The following MGAM2 variants were observed in gnomAD, a reference collection of about 807,000 sequenced individuals.
The protein encoded by MGAM2 is maltase-glucoamylase 2 (putative), also known as probable maltase-glucoamylase 2.
A neutral mutation model predicts 96.1 loss-of-function variants in MGAM2; 98 were observed. That is an observed-to-expected ratio of 1.02 (90% CI 0.87 to 1.21). The LOEUF is 1.21. MGAM2 is among the 50% of genes most tolerant of loss of function. The pLI is 0.00. For missense variants in MGAM2, 2,055 were observed against 1,182.4 expected (o/e 1.74, Z -10.82); for synonymous variants, 749 against 414.8 (o/e 1.81, Z -9.79).
In MGAM2 at chr7:142,196,152, A is replaced by AGGAGGGGTGCAG; in HGVS notation, c.4347-1_4347insGAGGGGTGCAGG. ...CTCACCTCTTTATTCCCCTCCCACC[A>AGGAGGGGTGCAG]GAGCTGTGCAGGAGGTGACAGGACA... On this transcript the variant is annotated splice_acceptor_variant, in intron 37 of 47. Transcript: ENST00000477922. LOFTEE classifies it high-confidence loss of function. 9.1e-7 allele frequency: 1 copy of AGGAGGGGTGCAG among 1,098,636 alleles called. No homozygotes were observed. The highest frequency in any genetic ancestry group is 2.6e-5 in the East Asian group (1 of 38,960). 68.1% of individuals were successfully genotyped at this position (1,098,636 alleles called of 1,614,324 possible). A position where few individuals can be genotyped will look rare whatever the true frequency, so the allele number is the denominator to read the frequency against.
rs1260487191 is a variant in MGAM2 at position 142,131,063 on chromosome 7, CA to C, written c.304del (p.Ser102AlafsTer8). On this transcript the variant is annotated frameshift_variant, in exon 4 of 48. Transcript: ENST00000477922. LOFTEE classifies it high-confidence loss of function. ...GAAGCCAGCAATGGCCATACAAATA[CA>C]AGCACAGGTGAGCACTGCCCTGATG... ...GYEASNGHTN[T>X]STGFTAQLKR... 1.4e-6 allele frequency: 1 copy of C among 702,520 alleles called. No individual in the cohort carries two copies. Among genetic ancestry groups the C allele is most frequent in the Non-Finnish European group, 2.6e-6 (1 of 385,004 alleles). The allele number at this position is 702,520 out of a possible 1,614,324, so 43.5% of individuals were successfully genotyped here.
chr7:142,201,071 CTTTTTTTTTTCTTT>C (rs1797210819), intron 45 of MGAM2, among the ~76,000 whole-genome samples: 5 of 84,382 alleles, frequency 5.9e-5, no homozygotes, highest in South Asian at 3.8e-4. Flanking sequence ...CATCCTTTTT[CTTTTTTTTTTCTTT>C]TTTTTTTTTT....
At chr7:142,112,149 C>A (rs1025370137) in intron 1 of MGAM2, among the ~76,000 whole-genome samples, 3 of 151,990 alleles carry the variant, frequency 2.0e-5, no homozygotes, top group Non-Finnish European at 4.4e-5. Context: ...CTTCTGGAAA[C>A]TATCTCAAGA....
intron 9 of MGAM2, 89 bp from the exon 10 acceptor site, chr7:142,138,453 C>G: frequency 1.6e-6 from 1 of 638,280 alleles, no homozygotes; most frequent in South Asian, 1.8e-5. Flanking sequence ...TTACTCTTAG[C>G]TCTGACGTTT....
chr7:142,174,715 C>CTCTCTTTTTTTTTT (rs1194981898), intron 31 of MGAM2, among the ~76,000 whole-genome samples: 3 of 85,458 alleles, frequency 3.5e-5, no homozygotes, highest in African/African-American at 1.7e-4. Flanking sequence ...CTCTCTCTCT[C>CTCTCTTTTTTTTTT]TTTTTTTTTT....
At chr7:142,164,779 AGAC>A in intron 23 of MGAM2, 74 bp from the exon 24 acceptor site, 1 of 566,262 alleles carries the variant, frequency 1.8e-6, no homozygotes. Flanking sequence ...ACAGAAATTG[AGAC>A]ATTGACTGGT....
intron 7 of MGAM2, among the ~76,000 whole-genome samples, chr7:142,135,761 CTTCTT>C (rs1217297037): frequency 6.6e-6 from 1 of 150,960 alleles, no homozygotes; most frequent in Non-Finnish European, 1.5e-5. Flanking sequence ...CACATTATCT[CTTCTT>C]AGGTCAGTGC....
At position 142,120,365 on chromosome 7, in the gene MGAM2, A is replaced by G. The variant is rs1319409581; in HGVS notation, c.170A>G (p.Asp57Gly). Residue 57 changes from aspartate to glycine, a missense_variant, in exon 3 of 48, where the codon GAC (aspartate) becomes GGC (glycine). Transcript: ENST00000477922. ...PQSERIDCTP[D>G]QEVTEDICRW... The stretch of plus-strand genomic sequence containing the variant: ...TCGGAAAGGATAGACTGCACACCTG[A>G]CCAGGAGGTGACCGAGGTCAGAGAA... 3 of 702,938 alleles carry G rather than the reference A, an allele frequency of 4.3e-6. No homozygotes were observed. The highest frequency in any genetic ancestry group is 2.0e-5 in the Admixed American group (1 of 49,980). The allele number at this position is 702,938 out of a possible 1,614,324, so 43.5% of individuals were successfully genotyped here.
At chr7:142,121,236 G>A (rs929885294) in intron 3 of MGAM2, among the ~76,000 whole-genome samples, 1 of 152,000 alleles carries the variant, frequency 6.6e-6, no homozygotes, top group Non-Finnish European at 1.5e-5. Context: ...GAGTGCAGTG[G>A]CGCGGATCTT....
chr7:142,157,632 T>G (rs1219977503), intron 17 of MGAM2, among the ~76,000 whole-genome samples: 1 of 152,140 alleles, frequency 6.6e-6, no homozygotes, highest in Non-Finnish European at 1.5e-5. Flanking sequence ...CCTCGTGATC[T>G]GCCTGGCTCG....
intron 42 of MGAM2, among the ~76,000 whole-genome samples, 178 bp from the exon 43 acceptor site, chr7:142,197,961 A>AG (rs1554513094): frequency 2.0e-5 from 3 of 151,994 alleles, no homozygotes; most frequent in Non-Finnish European, 2.9e-5. Context: ...TTTTAAAAAT[A>AG]GTTTTTTCTG....
At position 142,196,821 on chromosome 7, in the gene MGAM2, G is replaced by C; in HGVS notation, c.4632+5G>C. The C allele has an allele frequency of 1.3e-6, 1 of 776,466 alleles. No individual in the cohort carries two copies. The highest frequency in any genetic ancestry group is 2.4e-6 in the Non-Finnish European group (1 of 416,854). The allele number at this position is 776,466 out of a possible 1,614,324, so 48.1% of individuals were successfully genotyped here. ...CACAACAACATCGGGACAAGGGTGA[G>C]GCAGTAGTTCGTGCTCCAGGTGTTG... On this transcript the variant is annotated splice_donor_5th_base_variant and intron_variant, in intron 40 of 47. Coordinates refer to ENST00000477922, the MANE Select transcript of MGAM2 (RefSeq NM_001293626.2).
At chr7:142,191,816 G>C (rs4236466) in intron 37 of MGAM2, among the ~76,000 whole-genome samples, 65,894 of 151,882 alleles carry the variant, frequency 0.43, 14,553 homozygotes, top group East Asian at 0.66. Flanking sequence ...GTATTACCAT[G>C]TTAACAATAT....
intron 9 of MGAM2, 46 bp downstream of exon 9, chr7:142,137,591 A>G: frequency 1.6e-6 from 1 of 629,786 alleles, no homozygotes; most frequent in Non-Finnish European, 2.9e-6. Context: ...CTGTTATCTC[A>G]TATACTCATT....
At chr7:142,121,359 G>A (rs1178422911) in intron 3 of MGAM2, among the ~76,000 whole-genome samples, 1 of 150,722 alleles carries the variant, frequency 6.6e-6, no homozygotes, top group Admixed American at 6.6e-5. Context: ...TGTATTTTTA[G>A]TAGAGGCAGG....
chr7:142,217,361 C>T (rs1797795612), intron 46 of MGAM2, among the ~76,000 whole-genome samples: 1 of 152,188 alleles, frequency 6.6e-6, no homozygotes, highest in Non-Finnish European at 1.5e-5. Flanking sequence ...TCCAACTTTA[C>T]CTATGTTATC....
intron 3 of MGAM2, among the ~76,000 whole-genome samples, chr7:142,123,721 T>C (rs968262092): frequency 6.6e-6 from 1 of 152,174 alleles, no homozygotes; most frequent in Admixed American, 6.5e-5. Flanking sequence ...GGTTTGTCTT[T>C]TAACTCTCTT....
At chr7:142,128,688 G>A (rs200780524) in intron 3 of MGAM2, among the ~76,000 whole-genome samples, 1 of 152,202 alleles carries the variant, frequency 6.6e-6, no homozygotes, top group Non-Finnish European at 1.5e-5. Context: ...TCTACATGTT[G>A]TTGAGCCTGT....
chr7:142,179,805 A>T (rs1159177886), intron 32 of MGAM2, among the ~76,000 whole-genome samples: 1 of 152,128 alleles, frequency 6.6e-6, no homozygotes, highest in African/African-American at 2.4e-5. Context: ...TTCATCAGGG[A>T]TATCAGCCTG....
Sources: allele counts gnomAD v4.1 joint callset (sites outside exome capture counted in the v4.1 genomes callset), GRCh38; gene constraint gnomAD v4.1.1; transcripts MANE v1.5; gene names NCBI Gene and HGNC (gene_info 2026-07-23, HGNC 2026-07-21).